Variants in SZT2 observed in about 807,000 individuals in gnomAD.
SZT2 encodes the protein KICSTOR complex protein SZT2.
SZT2 carries 216 observed loss-of-function variants against 404.2 expected under a neutral mutation model. The ratio of observed to expected loss-of-function variants is 0.53; its 90% CI spans 0.48 to 0.60. SZT2 has a LOEUF of 0.60. Ranked by LOEUF, SZT2 falls within the 20% of genes least tolerant of loss-of-function variation. SZT2 has a pLI of 0.00. For synonymous variants in SZT2, 1,693 were observed against 1,749.9 expected, an observed-to-expected ratio of 0.97 and a Z score of 0.81; for missense variants, 3,857 against 4,459.2, an observed-to-expected ratio of 0.86 and a Z score of 3.85.
In SZT2 at chr1:43,427,098, C is replaced by T; in HGVS notation, c.3352C>T (p.Gln1118Ter). Residue 1118 changes from glutamine to a stop codon, truncating the protein, a stop_gained, in exon 24 of 72, where the codon CAG becomes TAG. Transcript: ENST00000634258. LOFTEE classifies it high-confidence loss of function. ...AACTCTCAAGCCTCTCATCTCTGCCCAGCCCCCTCAGTGGCGCTGCTATGC... is the reference window on the plus strand; with the variant it reads ...AACTCTCAAGCCTCTCATCTCTGCCTAGCCCCCTCAGTGGCGCTGCTATGC... ...PETLKPLISA[Q>*]PPQWRCYARL... 2 of 1,614,234 alleles carry T rather than the reference C, an allele frequency of 1.2e-6. No individual in the cohort carries two copies. The highest frequency in any genetic ancestry group is 1.7e-6 in the Non-Finnish European group (2 of 1,180,042).
intron 1 of SZT2, among the ~76,000 whole-genome samples, chr1:43,396,485 C>G (rs952965601): frequency 6.6e-6 from 1 of 152,204 alleles, no homozygotes; most frequent in Non-Finnish European, 1.5e-5. Flanking sequence ...ATTCCCAACT[C>G]TACCAACTAA....
At chr1:43,415,356 C>A in intron 5 of SZT2, 143 bp downstream of exon 5, 1 of 970,798 alleles carries the variant, frequency 1.0e-6, no homozygotes. Flanking sequence ...ATGCTCATGA[C>A]ACACTCCCTG....
chr1:43,390,047 C>T, intron 1 of SZT2, 52 bp downstream of exon 1: 1 of 1,372,244 alleles, frequency 7.3e-7, no homozygotes, highest in Non-Finnish European at 9.4e-7. Context: ...GGGGGAGGGT[C>T]CGGCGGGCAG....
In SZT2 at chr1:43,445,906, A is replaced by T; in HGVS notation, c.8838A>T (p.Pro2946=). The T allele has an allele frequency of 6.2e-7, 1 of 1,614,190 alleles. No homozygotes were observed. Among genetic ancestry groups the T allele is most frequent in the Non-Finnish European group, 8.5e-7 (1 of 1,180,018 alleles). The part of the protein sequence containing the change: ...PPSPARSTSR[P]RAMAILGTEG... Reference sequence around the variant, plus strand: ...TCCTTTTCTATAGCACCAGCCGGCCACGGGCCATGGCTATCCTTGGAACAG... The same window carrying T: ...TCCTTTTCTATAGCACCAGCCGGCCTCGGGCCATGGCTATCCTTGGAACAG... The change falls in exon 63 of 72, where the codon CCA becomes CCT. Residue 2946 remains proline, a synonymous_variant. Transcript: ENST00000634258.
intron 34 of SZT2, 42 bp from the exon 35 acceptor site, chr1:43,431,418 T>A: frequency 6.2e-7 from 1 of 1,613,906 alleles, no homozygotes; most frequent in Non-Finnish European, 8.5e-7. Context: ...CTTTTCAATT[T>A]CATTTTCTGG....
At position 43,448,670 on chromosome 1, in the gene SZT2, G is replaced by A. The variant is rs952570982; in HGVS notation, c.10028G>A (p.Ser3343Asn). The change falls in exon 70 of 72, where the codon AGC (serine) becomes AAC (asparagine). Residue 3343 changes from serine to asparagine, a missense_variant. Coordinates refer to ENST00000634258, the MANE Select transcript of SZT2 (RefSeq NM_001365999.1). This position sits in a 1 kb window ranked among gnomAD's most constrained non-coding sequence, Gnocchi z 4.2. Reference protein sequence around the residue: ...WYQSLIKVLLSRFPQSCRHFQ... With the variant: ...WYQSLIKVLLNRFPQSCRHFQ... Reference sequence around the variant, plus strand: ...CAGAGCCTGATCAAAGTTCTCCTAAGCCGCTTCCCCCAGAGCTGTCGCCAT... The same window carrying A: ...CAGAGCCTGATCAAAGTTCTCCTAAACCGCTTCCCCCAGAGCTGTCGCCAT... 6.2e-6 allele frequency: 10 copies of A among 1,614,048 alleles called. No homozygotes were observed. The highest frequency in any genetic ancestry group is 8.5e-6 in the Non-Finnish European group (10 of 1,180,034).
Position 43,425,575 on chromosome 1 carries a change from G to C in SZT2, c.2747G>C (p.Arg916Pro). Residue 916 changes from arginine to proline, a missense_variant, in exon 19 of 72, where the codon CGA (arginine) becomes CCA (proline). Physicochemically the swap from Arg to Pro is moderately radical, Grantham distance 103. Around this residue, in one of 7 missense-constraint regions of SZT2, gnomAD observed 1,725 missense variants for 1,881.0 expected, o/e 0.92. Transcript: ENST00000634258. This position sits in a 1 kb window ranked among gnomAD's most constrained non-coding sequence, Gnocchi z 4.3. ...TEVWVEPQYG[R>P]VGPGPGIWKH... ...GTGTGGGTGGAGCCACAGTATGGGC[G>C]AGTGGGACCTGGCCCTGGAATCTGG... The C allele has an allele frequency of 6.2e-7, 1 of 1,614,216 alleles. No homozygotes were observed. Among genetic ancestry groups the C allele is most frequent in the Non-Finnish European group, 8.5e-7 (1 of 1,180,036 alleles).
At chr1:43,414,609 C>T (rs1374726927) in intron 4 of SZT2, among the ~76,000 whole-genome samples, 1 of 151,982 alleles carries the variant, frequency 6.6e-6, no homozygotes, top group Non-Finnish European at 1.5e-5. Flanking sequence ...TTGAAAAGGT[C>T]CAGAATAGCC....
In SZT2 at chr1:43,422,516, T is replaced by C; in HGVS notation, c.1806T>C (p.Asn602=). The change falls in exon 13 of 72, where the codon AAT becomes AAC. Residue 602 remains asparagine, a synonymous_variant. Transcript: ENST00000634258. The part of the protein sequence containing the change: ...IPKHLHTPGS[N]GRYSTIQCRI... ...AGCACTTGCACACCCCGGGCAGCAA[T>C]GGGCGCTACAGCACTATCCAGTGCA... is the stretch of plus-strand genomic sequence containing the variant. 6.3e-7 allele frequency: 1 copy of C among 1,596,758 alleles called. No homozygotes were observed.
Position 43,452,209 on chromosome 1 carries a change from G to A in SZT2, c.*1729G>A. Reference sequence around the variant, plus strand: ...GTGTGTTTCCACCTTTCTCACCTGAGCCAAAACCCCAGCTGCATGCCTCAG... The same window carrying A: ...GTGTGTTTCCACCTTTCTCACCTGAACCAAAACCCCAGCTGCATGCCTCAG... On this transcript the variant is annotated 3_prime_UTR_variant, in exon 72 of 72. Transcript: ENST00000634258. The A allele has an allele frequency of 6.2e-7, 1 of 1,612,030 alleles. No homozygotes were observed. Among genetic ancestry groups the A allele is most frequent in the Non-Finnish European group, 8.5e-7 (1 of 1,178,870 alleles).
At chr1:43,390,827 G>A (rs1648206169) in intron 1 of SZT2, among the ~76,000 whole-genome samples, 1 of 152,190 alleles carries the variant, frequency 6.6e-6, no homozygotes, top group South Asian at 2.1e-4. Flanking sequence ...CACCAGGAAA[G>A]GTGCCAACAT....
intron 62 of SZT2, 123 bp downstream of exon 62, chr1:43,443,919 T>C: frequency 8.3e-7 from 1 of 1,211,754 alleles, no homozygotes; most frequent in Non-Finnish European, 1.2e-6. Context: ...TGCATGTTTA[T>C]CCCACCAGGC....
rs146540759 is a variant in SZT2, at chr1:43,437,894, G to A, written c.6500G>A (p.Gly2167Glu). 36 of 1,614,020 alleles carry A rather than the reference G, an allele frequency of 2.2e-5. No individual in the cohort carries two copies. Among genetic ancestry groups the A allele is most frequent in the Non-Finnish European group, 3.0e-5 (35 of 1,180,028 alleles). Reference sequence around the variant, plus strand: ...ATCCAGCTGCTGGTCCATGGTGTTGGGCAGGCAGGTAAGGTCTGAGGAGGG... The same window carrying A: ...ATCCAGCTGCTGGTCCATGGTGTTGAGCAGGCAGGTAAGGTCTGAGGAGGG... ...RHIQLLVHGV[G>E]QAGPEITDEL... The change falls in exon 46 of 72, where the codon GGG becomes GAG. Residue 2167 changes from glycine to glutamate, a missense_variant. Gly to Glu is a moderately conservative substitution (Grantham distance 98). Around this residue, in one of 7 missense-constraint regions of SZT2, gnomAD observed 261 missense variants for 372.9 expected, o/e 0.70. Transcript: ENST00000634258. The surrounding 1 kb of genome is among the most constrained non-coding windows in gnomAD (Gnocchi z 5.3).
Position 43,448,637 on chromosome 1 carries a change from C to G in SZT2, c.9995C>G (p.Ser3332Cys). Residue 3332 changes from serine to cysteine, a missense_variant, in exon 70 of 72, where the codon TCC becomes TGC. This residue lies in a region of SZT2 where 717 missense variants were observed against 868.2 expected (regional missense o/e 0.83). Coordinates refer to ENST00000634258, the MANE Select transcript of SZT2 (RefSeq NM_001365999.1). This position sits in a 1 kb window ranked among gnomAD's most constrained non-coding sequence, Gnocchi z 4.2. ...GACTGCTTCCTATCCATGACGGTCT[C>G]CTGGTACCAGAGCCTGATCAAAGTT... ...QLDCFLSMTVSWYQSLIKVLL... is the reference protein window; with the variant it reads ...QLDCFLSMTVCWYQSLIKVLL... 1.2e-6 allele frequency: 2 copies of G among 1,614,198 alleles called. No homozygotes were observed. Among genetic ancestry groups the G allele is most frequent in the South Asian group, 2.2e-5 (2 of 91,092 alleles).
rs1570663830 is a variant in SZT2 at position 43,429,649 on chromosome 1, A to G, written c.4167-54A>G. 9 of 1,609,172 alleles carry G rather than the reference A, an allele frequency of 5.6e-6. No individual in the cohort carries two copies. The African/African-American group carries it at 6.7e-5, about 12-fold the overall frequency. ...CTGCTCCCCAGTTGAGAGGCAGGCT[A>G]CTTCAGAGCTTGATGGTTCTTAACA... On this transcript the variant is annotated intron_variant, in intron 28 of 71. Transcript: ENST00000634258.
intron 7 of SZT2, 56 bp from the exon 8 acceptor site, chr1:43,419,678 C>G (rs764033708): frequency 7.1e-5 from 102 of 1,440,730 alleles, no homozygotes; most frequent in Non-Finnish European, 9.4e-5. Flanking sequence ...CTCTCCTGTT[C>G]TTCCTTCTCC....
rs545792756 is a variant in SZT2 at position 43,396,143 on chromosome 1, T to C, written c.27+6148T>C. Among the ~76,000 whole-genome samples the C allele has an allele frequency of 3.9e-5, 6 of 152,360 alleles. No individual in the cohort carries two copies. In the East Asian group the frequency reaches 9.6e-4, roughly 24 times the overall value. On this transcript the variant is annotated intron_variant, in intron 1 of 71. Transcript: ENST00000634258. ...AATCTGTGACCTCATTTGAGTATTA[T>C]GTTCCATTCTGGTCCCCACATTTTA...
rs114669384 is a variant in SZT2 at position 43,444,698 on chromosome 1, C to G, written c.8825+902C>G. On this transcript the variant is annotated intron_variant, in intron 62 of 71. Coordinates refer to ENST00000634258, the MANE Select transcript of SZT2 (RefSeq NM_001365999.1). ...AACTCTGCAGCCACCTTTTCATCCACTGTCAAATCTCAGATTCCCGTGTTT... is the reference window on the plus strand; with the variant it reads ...AACTCTGCAGCCACCTTTTCATCCAGTGTCAAATCTCAGATTCCCGTGTTT... Among the ~76,000 whole-genome samples, 332 of 152,294 alleles carry G rather than the reference C, an allele frequency of 2.2e-3. 1 individual carries two copies. Among genetic ancestry groups the G allele is most frequent in the Middle Eastern group, 0.01 (3 of 294 alleles).
chr1:43,429,519 A>T (rs1653599462), intron 28 of SZT2, 184 bp from the exon 29 acceptor site: 2 of 634,598 alleles, frequency 3.2e-6, no homozygotes, highest in East Asian at 2.8e-5. Flanking sequence ...AGAAAAAGAA[A>T]TATGGAGGTT....
Sources: gnomAD v4.1 joint callset for allele counts (sites outside exome capture counted in the v4.1 genomes callset) on GRCh38, gnomAD v4.1.1 for gene constraint, gnomAD v4.1.1 regional missense constraint, Gnocchi (gnomAD v3.1) non-coding constraint, MANE v1.5 for transcripts, NCBI Gene and HGNC (gene_info 2026-07-23, HGNC 2026-07-21) for gene names.